The following CDH13 variants were observed in gnomAD, a reference collection of about 807,000 sequenced individuals.
CDH13 encodes the protein cadherin 13.
In CDH13, 24 loss-of-function variants were observed where a neutral mutation model predicts 63.8. The observed-to-expected ratio is 0.38, with a 90% CI of 0.27 to 0.53. The LOEUF is 0.53. Among genes scored for constraint, CDH13 ranks in the 20% least tolerant of loss-of-function variants. The probability of loss-of-function intolerance (pLI) is 0.85; values close to 1 mark genes in which losing one functional copy is unlikely to be tolerated. For synonymous variants in CDH13, 503 were observed against 355.3 expected (o/e 1.42, Z -4.67); for missense variants, 1,049 against 903.1 (o/e 1.16, Z -2.07).
rs933564660 is a variant in CDH13, at chr16:83,800,404, A to C, written c.*5374A>C. ...ATGACAAAATTTTATGTATCCCCCC[A>C]GATAAAAATTTTAAGAAATTTTAAA... On this transcript the variant is annotated 3_prime_UTR_variant, in exon 14 of 14. Transcript: ENST00000567109. The C allele has an allele frequency of 7.2e-5, 11 of 152,252 alleles. No homozygotes were observed. Among genetic ancestry groups the C allele is most frequent in the African/African-American group, 2.4e-4 (10 of 41,466 alleles). The allele number at this position is 152,252 out of a possible 1,614,324, so 9.4% of individuals were successfully genotyped here. A position where few individuals can be genotyped will look rare whatever the true frequency, so the allele number is the denominator to read the frequency against.
chr16:83,198,322 TAC>T (rs10547222), intron 4 of CDH13, among the ~76,000 whole-genome samples: 16,365 of 143,666 alleles, frequency 0.11, 1,062 homozygotes, highest in African/African-American at 0.19. Context: ...CACACACATG[TAC>T]ACACACACAC....
At chr16:83,683,049 G>T (rs544305245) in intron 10 of CDH13, among the ~76,000 whole-genome samples, 12 of 152,322 alleles carry the variant, frequency 7.9e-5, no homozygotes, top group African/African-American at 2.9e-4. Context: ...GCTGACCGCG[G>T]CCAGACACCC....
intron 2 of CDH13, among the ~76,000 whole-genome samples, chr16:82,919,655 A>G (rs537383672): frequency 6.6e-6 from 1 of 152,344 alleles, no homozygotes; most frequent in East Asian, 1.9e-4. Context: ...GAATAGTGCT[A>G]TAGTGAACAT....
chr16:82,904,951 G>A (rs1468989176), intron 2 of CDH13, among the ~76,000 whole-genome samples: 2 of 152,120 alleles, frequency 1.3e-5, no homozygotes, highest in Non-Finnish European at 2.9e-5. Flanking sequence ...ATGAACCCAG[G>A]TTTCTCCCAT....
chr16:83,244,623 GA>G lies in CDH13; in HGVS notation c.636+27129del, dbSNP rs146739845. Among the ~76,000 whole-genome samples, 872 of 152,266 alleles carry G rather than the reference GA, an allele frequency of 5.7e-3. 3 individuals carry two copies. The highest frequency in any genetic ancestry group is 7.6e-3 in the Non-Finnish European group (515 of 68,024). Reference sequence around the variant, plus strand: ...CACCCTCAGATTTGGTGATTTGCTAGAAAGACTCATGGACTCTACATCTAGT... The same window carrying G: ...CACCCTCAGATTTGGTGATTTGCTAGAAGACTCATGGACTCTACATCTAGT... On this transcript the variant is annotated intron_variant, in intron 5 of 13. Coordinates refer to ENST00000567109, the MANE Select transcript of CDH13 (RefSeq NM_001257.5).
chr16:82,716,281 A>T (rs142269813), intron 1 of CDH13, among the ~76,000 whole-genome samples: 209 of 152,200 alleles, frequency 1.4e-3, no homozygotes, highest in Admixed American at 3.8e-3. Context: ...AATAGAAACT[A>T]ACAGCCCATC....
At chr16:82,867,535 C>T (rs2040191216) in intron 2 of CDH13, among the ~76,000 whole-genome samples, 2 of 152,180 alleles carry the variant, frequency 1.3e-5, no homozygotes, top group Non-Finnish European at 2.9e-5. Flanking sequence ...CAAGACGTTA[C>T]TTGGTCATGC....
intron 1 of CDH13, among the ~76,000 whole-genome samples, chr16:82,724,129 C>G (rs8060965): frequency 0.012 from 1,886 of 152,222 alleles, 37 homozygotes; most frequent in African/African-American, 0.044. Context: ...TACAATTGTG[C>G]AGGGTAAAGA....
At chr16:83,724,631 C>G (rs779501368) in intron 10 of CDH13, among the ~76,000 whole-genome samples, 21 of 152,156 alleles carry the variant, frequency 1.4e-4, no homozygotes, top group Admixed American at 6.5e-4. Context: ...CTTGAAGCCC[C>G]CTGTGACTAT....
chr16:83,414,898 A>G (rs1343125709), intron 6 of CDH13, among the ~76,000 whole-genome samples: 1 of 152,172 alleles, frequency 6.6e-6, no homozygotes, highest in Non-Finnish European at 1.5e-5. Context: ...TAATATCTTC[A>G]AACTATCTCT....
At chr16:83,235,076 G>A (rs1160586258) in intron 5 of CDH13, among the ~76,000 whole-genome samples, 1 of 152,160 alleles carries the variant, frequency 6.6e-6, no homozygotes, top group East Asian at 1.9e-4. Context: ...GTGATGTTAT[G>A]CACCTATAAT....
chr16:83,319,042 T>C (rs1597734872), intron 5 of CDH13, among the ~76,000 whole-genome samples: 1 of 151,546 alleles, frequency 6.6e-6, no homozygotes, highest in Middle Eastern at 3.5e-3. Flanking sequence ...TATATATACA[T>C]AGACACGCAG....
At chr16:83,519,209 C>T (rs901490010) in intron 7 of CDH13, among the ~76,000 whole-genome samples, 1 of 152,080 alleles carries the variant, frequency 6.6e-6, no homozygotes, top group African/African-American at 2.4e-5. Context: ...GGAGAAATAC[C>T]AGGAGTCTTG....
intron 1 of CDH13, among the ~76,000 whole-genome samples, chr16:82,635,280 G>C (rs953770235): frequency 4.6e-5 from 7 of 152,222 alleles, no homozygotes; most frequent in African/African-American, 1.7e-4. Flanking sequence ...TGAAGGATCT[G>C]GGCGGCTTCC....
Position 82,779,956 on chromosome 16 carries a change from T to C in CDH13, c.46-78406T>C, listed in dbSNP as rs550794743. Among the ~76,000 whole-genome samples the C allele has an allele frequency of 5.3e-4, 80 of 152,302 alleles. 1 individual carries two copies. The Middle Eastern group carries it at 0.024, about 45-fold the overall frequency. Reference sequence around the variant, plus strand: ...ACATGTGTATCATGTTACTGCATCTTACCTTGACAGGCGCACTTTAGGGGA... The same window carrying C: ...ACATGTGTATCATGTTACTGCATCTCACCTTGACAGGCGCACTTTAGGGGA... On this transcript the variant is annotated intron_variant, in intron 1 of 13. Coordinates refer to ENST00000567109, the MANE Select transcript of CDH13 (RefSeq NM_001257.5).
At chr16:82,714,123 A>G (rs75741769) in intron 1 of CDH13, among the ~76,000 whole-genome samples, 9,357 of 152,074 alleles carry the variant, frequency 0.062, 669 homozygotes, top group African/African-American at 0.17. Context: ...TTAAGCCACT[A>G]CATTTGTGGT....
chr16:82,695,807 T>C (rs1352018218), intron 1 of CDH13, among the ~76,000 whole-genome samples: 1 of 152,170 alleles, frequency 6.6e-6, no homozygotes, highest in Non-Finnish European at 1.5e-5. Flanking sequence ...TGAATAACTT[T>C]TAGGTTTGTA....
chr16:82,895,853 G>A (rs757616457), intron 2 of CDH13, among the ~76,000 whole-genome samples: 4 of 152,154 alleles, frequency 2.6e-5, no homozygotes, highest in Admixed American at 1.3e-4. Flanking sequence ...CTTGCAGTAC[G>A]TCAAGCCAGT....
chr16:83,360,922 C>T (rs984116671), intron 6 of CDH13, among the ~76,000 whole-genome samples: 2 of 152,182 alleles, frequency 1.3e-5, no homozygotes, highest in Non-Finnish European at 2.9e-5. Context: ...CATATGAGTG[C>T]ATGTGTCTTT....
Sources: allele counts gnomAD v4.1 joint callset (sites outside exome capture counted in the v4.1 genomes callset), GRCh38; gene constraint gnomAD v4.1.1; transcripts MANE v1.5; gene names NCBI Gene and HGNC (gene_info 2026-07-23, HGNC 2026-07-21).